Variants in DHRSX observed in about 807,000 individuals in gnomAD.
DHRSX encodes the protein dehydrogenase/reductase X-linked, also known as polyprenol dehydrogenase.
Under a neutral mutation model 34.0 loss-of-function variants are expected in DHRSX, and 31 were observed. That is an observed-to-expected ratio of 0.91 (90% confidence interval 0.69 to 1.23). The LOEUF (loss-of-function observed/expected upper bound fraction) is 1.23. DHRSX is among the 50% of genes most tolerant of loss of function. The probability of loss-of-function intolerance (pLI) is 0.00; values close to 1 mark genes in which losing one functional copy is unlikely to be tolerated. For missense variants in DHRSX, 414 were observed against 428.1 expected (o/e 0.97, Z 0.29); for synonymous variants, 201 against 183.8 (o/e 1.09, Z -0.76).
At chrX:2,330,287 C>G (rs2124546846) in intron 3 of DHRSX, among the ~76,000 whole-genome samples, 1 of 151,660 alleles carries the variant, frequency 6.6e-6, no homozygotes, top group South Asian at 2.1e-4. Flanking sequence ...CTTTGGGAGG[C>G]TGAGGCAGGT....
intron 1 of DHRSX, among the ~76,000 whole-genome samples, chrX:2,448,011 G>A (rs914331164): frequency 3.3e-5 from 5 of 151,066 alleles, no homozygotes; most frequent in South Asian, 2.1e-4. Flanking sequence ...CCTGGGCAAC[G>A]TAATGAAACC....
intron 4 of DHRSX, among the ~76,000 whole-genome samples, chrX:2,269,960 C>T (rs2041527458): frequency 2.0e-5 from 3 of 152,112 alleles, no homozygotes; most frequent in Middle Eastern, 3.5e-3. Flanking sequence ...TGCATTTGTA[C>T]ACGTGCTTGT....
At chrX:2,286,112 C>G (rs1021526779) in intron 4 of DHRSX, among the ~76,000 whole-genome samples, 1 of 151,834 alleles carries the variant, frequency 6.6e-6, no homozygotes, top group African/African-American at 2.4e-5. Context: ...ATCCAGCCTT[C>G]TCATTTGCAC....
intron 4 of DHRSX, among the ~76,000 whole-genome samples, chrX:2,287,413 A>G (rs1188286032): frequency 6.6e-6 from 1 of 152,104 alleles, no homozygotes; most frequent in African/African-American, 2.4e-5. Context: ...CCACATCCCA[A>G]TCCTCATGTG....
chrX:2,485,938 A>T (rs1324403295), intron 1 of DHRSX, among the ~76,000 whole-genome samples: 2 of 149,184 alleles, frequency 1.3e-5, no homozygotes. Context: ...GAAGAAAGGA[A>T]GGATTTGTTG....
chrX:2,474,735 CGTTCCCT>C (rs2044648643), intron 1 of DHRSX, among the ~76,000 whole-genome samples: 1 of 147,132 alleles, frequency 6.8e-6, no homozygotes, highest in African/African-American at 2.5e-5. Flanking sequence ...ACACTGAAGA[CGTTCCCT>C]AAGAATGCAG....
chrX:2,275,200 T>C (rs2041609253), intron 4 of DHRSX, among the ~76,000 whole-genome samples: 1 of 151,832 alleles, frequency 6.6e-6, no homozygotes, highest in Non-Finnish European at 1.5e-5. Flanking sequence ...AAGGAAAGTA[T>C]AAAAAAGGTG....
chrX:2,457,998 G>T (rs1449348719), intron 1 of DHRSX, among the ~76,000 whole-genome samples: 2 of 151,782 alleles, frequency 1.3e-5, no homozygotes, highest in Admixed American at 6.6e-5. Flanking sequence ...TGTGCACACT[G>T]AAGACGTTCC....
At chrX:2,244,913 T>C (rs757272320) in intron 5 of DHRSX, among the ~76,000 whole-genome samples, 1 of 152,152 alleles carries the variant, frequency 6.6e-6, no homozygotes, top group South Asian at 2.1e-4. Flanking sequence ...GGTTTCACCA[T>C]GTTAGCTAGG....
intron 6 of DHRSX, among the ~76,000 whole-genome samples, chrX:2,225,344 G>A (rs180850814): frequency 1.3e-5 from 2 of 149,056 alleles, no homozygotes; most frequent in Non-Finnish European, 3.0e-5. Flanking sequence ...TCATTCACAA[G>A]TACGCACATA....
chrX:2,271,822 A>G (rs62595524), intron 4 of DHRSX, among the ~76,000 whole-genome samples: 20,851 of 152,014 alleles, frequency 0.14, 1,890 homozygotes, highest in Admixed American at 0.19. Context: ...CGGGCAGATC[A>G]GTTCAGGTCA....
chrX:2,221,021 A>T lies in DHRSX; in HGVS notation c.*20T>A. The T allele has an allele frequency of 1.9e-6, 3 of 1,610,776 alleles. No individual in the cohort carries two copies. The highest frequency in any genetic ancestry group is 2.5e-6 in the Non-Finnish European group (3 of 1,177,816). On this transcript the variant is annotated 3_prime_UTR_variant, in exon 7 of 7. Coordinates refer to ENST00000334651, the MANE Select transcript of DHRSX (RefSeq NM_145177.3). ...GGTGCAATGTGTTTCTTGGGGCAGC[A>T]GCTATCCTGAGACAGGATATCACAG...
At chrX:2,230,627 T>C (rs971713204) in intron 6 of DHRSX, among the ~76,000 whole-genome samples, 1 of 152,158 alleles carries the variant, frequency 6.6e-6, no homozygotes, top group African/African-American at 2.4e-5. Context: ...GAGAGGACGC[T>C]TCACAATGTG....
chrX:2,276,134 G>A (rs759400977), intron 4 of DHRSX, among the ~76,000 whole-genome samples: 5 of 152,298 alleles, frequency 3.3e-5, no homozygotes, highest in South Asian at 2.1e-4. Flanking sequence ...GGGCCATCGC[G>A]CCCGGCCTGT....
chrX:2,408,693 G>C lies in DHRSX; in HGVS notation c.286+52C>G, dbSNP rs1603059981. ...CAGCCATGAACCACGCAAACGACCT[G>C]TCCCAAGGAAAAAAAAAAACAAAAA... On this transcript the variant is annotated intron_variant, in intron 3 of 6. Transcript: ENST00000334651. 6 of 1,506,180 alleles carry C rather than the reference G, an allele frequency of 4.0e-6. No individual in the cohort carries two copies. The South Asian group carries it at 7.4e-5, about 19-fold the overall frequency. 93.3% of individuals were successfully genotyped at this position (1,506,180 alleles called of 1,614,324 possible).
chrX:2,408,616 G>T, intron 3 of DHRSX, 129 bp downstream of exon 3: 2 of 784,024 alleles, frequency 2.6e-6, no homozygotes, highest in Non-Finnish European at 4.2e-6. Flanking sequence ...AAAGAAGAGT[G>T]CAAAAATCAG....
At chrX:2,470,042 GAC>G (rs1427625355) in intron 1 of DHRSX, among the ~76,000 whole-genome samples, 2 of 151,792 alleles carry the variant, frequency 1.3e-5, no homozygotes, top group South Asian at 2.1e-4. Context: ...ATGTGGCATA[GAC>G]ACACAGTGGA....
chrX:2,356,676 T>C (rs2042856625), intron 3 of DHRSX, among the ~76,000 whole-genome samples: 1 of 152,066 alleles, frequency 6.6e-6, no homozygotes. Flanking sequence ...ACCTCCCTCT[T>C]CCTCCTTCTC....
intron 2 of DHRSX, among the ~76,000 whole-genome samples, chrX:2,412,736 T>C (rs2043647526): frequency 6.6e-6 from 1 of 152,140 alleles, no homozygotes; most frequent in South Asian, 2.1e-4. Flanking sequence ...AGCTACACCA[T>C]GGAATACCAT....
Sources: allele counts gnomAD v4.1 joint callset (sites outside exome capture counted in the v4.1 genomes callset), GRCh38; gene constraint gnomAD v4.1.1; transcripts MANE v1.5; gene names NCBI Gene and HGNC (gene_info 2026-07-23, HGNC 2026-07-21).